CFAP68: variants seen among roughly 807,000 people sequenced by gnomAD.
The protein encoded by CFAP68 is cilia- and flagella-associated protein 68.
the CFAP68 span, chr11:111,881,430 C>G: frequency 3.3e-6 from 5 of 1,534,224 alleles, no homozygotes; most frequent in Non-Finnish European, 4.4e-6. Context: ...GTGGTGACTC[C>G]CAAATCATGG....
chr11:111,884,083 A>G, the CFAP68 span: 1 of 462,100 alleles, frequency 2.2e-6, no homozygotes, highest in Non-Finnish European at 3.8e-6. Context: ...AATATTCTTT[A>G]TCCCTTTTTT....
the CFAP68 span, chr11:111,881,430 C>T: frequency 4.6e-6 from 7 of 1,534,106 alleles, no homozygotes; most frequent in East Asian, 7.3e-5. Flanking sequence ...GTGGTGACTC[C>T]CAAATCATGG....
chr11:111,880,796 G>A, the CFAP68 span: 1 of 456,202 alleles, frequency 2.2e-6, no homozygotes, highest in South Asian at 1.5e-5. Flanking sequence ...GTCTGGATCA[G>A]GACCCCTTCC....
the CFAP68 span, chr11:111,881,134 A>G: frequency 2.8e-6 from 3 of 1,078,728 alleles, no homozygotes; most frequent in Non-Finnish European, 3.5e-6. Context: ...TGAAAATTAA[A>G]GACAAGTCAG....
At chr11:111,880,097 T>TA in the CFAP68 span, among the ~76,000 whole-genome samples, 1 of 152,174 alleles carries the variant, frequency 6.6e-6, no homozygotes, top group African/African-American at 2.4e-5. Flanking sequence ...CAAATGGGGG[T>TA]ACAGGTACAG....
chr11:111,881,177 A>G, the CFAP68 span: 1 of 1,271,622 alleles, frequency 7.9e-7, no homozygotes, highest in African/African-American at 1.5e-5. Context: ...TCTGGCTTGG[A>G]CAACTGAGTG....
the CFAP68 span, chr11:111,884,280 C>A: frequency 6.1e-6 from 1 of 163,478 alleles, no homozygotes; most frequent in East Asian, 1.9e-4. Flanking sequence ...TCGAGACCAG[C>A]CTGACCAACA....
At chr11:111,884,774 A>G in the CFAP68 span, 3 of 152,202 alleles carry the variant, frequency 2.0e-5, no homozygotes, top group Non-Finnish European at 4.4e-5. Flanking sequence ...AGCATCAACT[A>G]TTTATGACTA....
the CFAP68 span, chr11:111,881,657 G>A: frequency 1.3e-6 from 2 of 1,485,272 alleles, no homozygotes; most frequent in Non-Finnish European, 1.8e-6. Context: ...CACATTTTGG[G>A]GAAAAAGAAA....
the CFAP68 span, chr11:111,881,521 A>G: frequency 6.5e-7 from 1 of 1,536,128 alleles, no homozygotes; most frequent in Non-Finnish European, 8.7e-7. Context: ...TCTTTAAAGA[A>G]CATGGAACAG....
At chr11:111,881,348 G>A in the CFAP68 span, 1 of 1,471,130 alleles carries the variant, frequency 6.8e-7, no homozygotes, top group Non-Finnish European at 9.0e-7. Flanking sequence ...ATGGTATGAG[G>A]GTAGTTACCT....
the CFAP68 span, chr11:111,881,739 T>C: frequency 8.6e-7 from 1 of 1,169,488 alleles, no homozygotes. Context: ...TCCAGATTGA[T>C]TGGGAGAACA....
the CFAP68 span, chr11:111,882,520 C>T: frequency 6.2e-7 from 1 of 1,614,066 alleles, no homozygotes; most frequent in Non-Finnish European, 8.5e-7. Context: ...CCTATTCAAA[C>T]CGTACCCTGA....
chr11:111,883,104 C>T, the CFAP68 span: 2 of 1,476,384 alleles, frequency 1.4e-6, no homozygotes. Flanking sequence ...TGTAGACTTC[C>T]AGATTCTTAA....
chr11:111,879,582 T>A, the CFAP68 span: 7 of 1,614,202 alleles, frequency 4.3e-6, no homozygotes, highest in Non-Finnish European at 5.9e-6. Flanking sequence ...CCAGTGTCTC[T>A]GCTGCTCAAA....
At chr11:111,879,975 GT>G in the CFAP68 span, among the ~76,000 whole-genome samples, 1 of 152,200 alleles carries the variant, frequency 6.6e-6, no homozygotes. Flanking sequence ...GAATAGTTGA[GT>G]TTGGCTGAAA....
the CFAP68 span, chr11:111,883,822 C>T: frequency 6.2e-7 from 1 of 1,613,602 alleles, no homozygotes; most frequent in African/African-American, 1.3e-5. Context: ...GAACTGGATC[C>T]TCCCCGATAC....
chr11:111,883,572 G>A, the CFAP68 span, among the ~76,000 whole-genome samples: 13 of 150,788 alleles, frequency 8.6e-5, no homozygotes, highest in Admixed American at 5.3e-4. Context: ...CTGCCTGGGT[G>A]ACAGAGTGAG....
the CFAP68 span, chr11:111,879,589 C>T: frequency 6.2e-7 from 1 of 1,614,096 alleles, no homozygotes; most frequent in Non-Finnish European, 8.5e-7. Context: ...CTCTGCTGCT[C>T]AAAATTTCTC....
Sources: allele counts gnomAD v4.1 joint callset (sites outside exome capture counted in the v4.1 genomes callset), GRCh38; gene constraint gnomAD v4.1.1; transcripts MANE v1.5; gene names NCBI Gene and HGNC (gene_info 2026-07-23, HGNC 2026-07-21).